The following SPATA21 variants were observed in gnomAD, a reference collection of about 807,000 sequenced individuals.
SPATA21 encodes spermatogenesis associated 21, also known as spermatogenesis-associated protein 21.
SPATA21 carries 47 observed loss-of-function variants against 54.8 expected under a neutral mutation model. The observed-to-expected ratio is 0.86, with a 90% CI of 0.68 to 1.09. SPATA21 has a LOEUF of 1.09. Ranked by LOEUF, SPATA21 falls within the 50% of genes least tolerant of loss-of-function variation. The pLI is 0.00. For missense variants in SPATA21, 599 were observed against 596.4 expected (o/e 1.00, Z -0.05); for synonymous variants, 245 against 235.3 (o/e 1.04, Z -0.38).
rs1310659788 is a variant in SPATA21, at chr1:16,421,499, C to G, written c.144+10G>C. ...CAGCTCGTCCCCGTTCCCCCTATGG[C>G]CCTACTTACTGGTGGAGGAAGAGGC... On this transcript the variant is annotated intron_variant, in intron 5 of 12. Transcript: ENST00000335496. The surrounding 1 kb of genome is among the most constrained non-coding windows in gnomAD (Gnocchi z 5.2). 3 of 1,613,062 alleles carry G rather than the reference C, an allele frequency of 1.9e-6. No homozygotes were observed. Among genetic ancestry groups the G allele is most frequent in the Non-Finnish European group, 2.5e-6 (3 of 1,179,516 alleles).
chr1:16,402,483 G>T (rs543927935), intron 10 of SPATA21, among the ~76,000 whole-genome samples: 1 of 151,312 alleles, frequency 6.6e-6, no homozygotes, highest in African/African-American at 2.4e-5. Context: ...GGATGCTCTC[G>T]ATCTCCTGAC....
At chr1:16,436,797 AC>A (rs903069985) in intron 1 of SPATA21, among the ~76,000 whole-genome samples, 1 of 151,626 alleles carries the variant, frequency 6.6e-6, no homozygotes, top group African/African-American at 2.4e-5. Context: ...CAAAAAAAAA[AC>A]ACCAAAAAAC....
At chr1:16,408,524 A>G (rs2085719512) in intron 7 of SPATA21, 2 of 985,712 alleles carry the variant, frequency 2.0e-6, no homozygotes, top group Non-Finnish European at 2.4e-6. Flanking sequence ...GGCATCTGTC[A>G]TTCTCTCAGA....
At chr1:16,416,689 A>T (rs2086018008) in intron 5 of SPATA21, among the ~76,000 whole-genome samples, 1 of 152,054 alleles carries the variant, frequency 6.6e-6, no homozygotes, top group Non-Finnish European at 1.5e-5. Flanking sequence ...TCAAAAAAAA[A>T]AAAAAAGAAT....
intron 3 of SPATA21, among the ~76,000 whole-genome samples, chr1:16,424,493 C>A (rs1285870136): frequency 6.6e-6 from 1 of 151,560 alleles, no homozygotes; most frequent in East Asian, 1.9e-4. Context: ...GATCTTGGCT[C>A]ACTGCAGCCT....
In SPATA21 at chr1:16,418,258, C is replaced by T. The variant is rs559513113; in HGVS notation, c.144+3251G>A. ...CACAGGCAAGGAATAGTTCTTATTT[C>T]TCTCTCTCTTTTTTTTATTTTTATT... On this transcript the variant is annotated intron_variant, in intron 5 of 12. Transcript: ENST00000335496. Among the ~76,000 whole-genome samples, 3 of 152,234 alleles carry T rather than the reference C, an allele frequency of 2.0e-5. No individual in the cohort carries two copies. The East Asian group carries it at 5.8e-4, about 29-fold the overall frequency.
chr1:16,410,043 C>T lies in SPATA21; in HGVS notation c.145G>A (p.Glu49Lys), dbSNP rs201182640. The change falls in exon 6 of 13, where the codon GAG (glutamate) becomes AAG (lysine). Residue 49 changes from glutamate to lysine, a missense_variant and splice_region_variant. Transcript: ENST00000335496. ...CGCCTCTCTCCAATGTCCCTCACCT[C>T]CTGGGGACAGGGGAGGGGATCCAGG... ...HPAPGPLPPP[E>K]VRDIGERREP... is the part of the protein sequence containing the mutation. 1,258 of 1,549,886 alleles carry T rather than the reference C, an allele frequency of 8.1e-4. 9 individuals carry two copies. The Middle Eastern group carries it at 0.011, about 13-fold the overall frequency.
In SPATA21 at chr1:16,409,127, G is replaced by C; in HGVS notation, c.664C>G (p.Gln222Glu). ...EKSEEQLTLK[Q>E]EEAFRSYFEI... ...ACCTCCCTGCCCTCACCTTCCTCTTGCTTCAGGGTCAGTTGCTCCTCGGAC... is the reference window on the plus strand; with the variant it reads ...ACCTCCCTGCCCTCACCTTCCTCTTCCTTCAGGGTCAGTTGCTCCTCGGAC... Residue 222 changes from glutamine (Q) to glutamate (E), a missense_variant, in exon 7 of 13, where the codon CAA becomes GAA. Physicochemically the swap from Gln to Glu is conservative, Grantham distance 29. Transcript: ENST00000335496. This position sits in a 1 kb window ranked among gnomAD's most constrained non-coding sequence, Gnocchi z 4.1. The C allele has an allele frequency of 1.9e-6, 3 of 1,614,070 alleles. No individual in the cohort carries two copies. Among genetic ancestry groups the C allele is most frequent in the Non-Finnish European group, 2.5e-6 (3 of 1,179,988 alleles).
chr1:16,427,959 T>C (rs1469517303), intron 3 of SPATA21: 2 of 1,550,284 alleles, frequency 1.3e-6, no homozygotes, highest in Admixed American at 3.9e-5. Context: ...CTGGCCCTCG[T>C]GAAGCTGATG....
chr1:16,434,333 T>G (rs965586797), intron 1 of SPATA21, among the ~76,000 whole-genome samples: 2 of 151,756 alleles, frequency 1.3e-5, no homozygotes, highest in African/African-American at 4.8e-5. Context: ...TCACTCAGGC[T>G]GGAGTGCAGC....
At chr1:16,407,805 G>A (rs945362615) in intron 7 of SPATA21, among the ~76,000 whole-genome samples, 6 of 149,746 alleles carry the variant, frequency 4.0e-5, no homozygotes, top group East Asian at 2.0e-4. Flanking sequence ...TTGCTCTGTC[G>A]CCCAGGCTGG....
At chr1:16,406,036 A>G (rs894737478) in intron 7 of SPATA21, among the ~76,000 whole-genome samples, 1 of 152,070 alleles carries the variant, frequency 6.6e-6, no homozygotes, top group Non-Finnish European at 1.5e-5. Context: ...TAATTAGCTG[A>G]GCTGTTGGCA....
At position 16,428,702 on chromosome 1, in the gene SPATA21, G is replaced by A. The variant is rs1201026469; in HGVS notation, c.34+2636C>T. On this transcript the variant is annotated intron_variant, in intron 3 of 12. Transcript: ENST00000335496. This position sits in a 1 kb window ranked among gnomAD's most constrained non-coding sequence, Gnocchi z 4.3. ...GAACTGGGTTTTGATCACTATCATG[G>A]TCTGTCACTCTCCAACTGGGTGACC... Among the ~76,000 whole-genome samples, 2 of 152,078 alleles carry A rather than the reference G, an allele frequency of 1.3e-5. No homozygotes were observed. The highest frequency in any genetic ancestry group is 6.6e-5 in the Admixed American group (1 of 15,254).
At chr1:16,422,288 C>T in intron 3 of SPATA21, 1 of 1,213,632 alleles carries the variant, frequency 8.2e-7, no homozygotes, top group Non-Finnish European at 1.1e-6. Context: ...AGTTATTACA[C>T]ACTTACTAGG....
chr1:16,398,593 G>T, downstream of SPATA21: 1 of 689,160 alleles, frequency 1.5e-6, no homozygotes, highest in East Asian at 2.8e-5. Context: ...AGAGCCCAGT[G>T]GTGGCTGGGT....
intron 5 of SPATA21, among the ~76,000 whole-genome samples, chr1:16,420,053 C>G (rs908282256): frequency 3.3e-5 from 5 of 151,806 alleles, no homozygotes; most frequent in African/African-American, 4.8e-5. Flanking sequence ...GGTGGAGCCC[C>G]GAGGGTGGAG....
At position 16,409,128 on chromosome 1, in the gene SPATA21, C is replaced by T. The variant is rs976606331; in HGVS notation, c.663G>A (p.Lys221=). The T allele has an allele frequency of 1.2e-6, 2 of 1,614,054 alleles. No individual in the cohort carries two copies. Among genetic ancestry groups the T allele is most frequent in the Non-Finnish European group, 8.5e-7 (1 of 1,179,950 alleles). Reference sequence around the variant, plus strand: ...CCTCCCTGCCCTCACCTTCCTCTTGCTTCAGGGTCAGTTGCTCCTCGGACT... The same window carrying T: ...CCTCCCTGCCCTCACCTTCCTCTTGTTTCAGGGTCAGTTGCTCCTCGGACT... ...REKSEEQLTL[K]QEEAFRSYFE... Residue 221 remains lysine (K), a synonymous_variant, in exon 7 of 13, where the codon AAG becomes AAA. Transcript: ENST00000335496. The surrounding 1 kb of genome is among the most constrained non-coding windows in gnomAD (Gnocchi z 4.1).
At chr1:16,416,542 G>T (rs1267392187) in intron 5 of SPATA21, among the ~76,000 whole-genome samples, 2 of 152,138 alleles carry the variant, frequency 1.3e-5, no homozygotes, top group African/African-American at 2.4e-5. Flanking sequence ...GCCACACGTG[G>T]TGGTATATGC....
intron 3 of SPATA21, among the ~76,000 whole-genome samples, chr1:16,430,604 A>G (rs2086435241): frequency 6.6e-6 from 1 of 152,168 alleles, no homozygotes; most frequent in Non-Finnish European, 1.5e-5. Flanking sequence ...TTTGGAGGCC[A>G]TGCAAGGCAC....
Sources: allele counts gnomAD v4.1 joint callset (sites outside exome capture counted in the v4.1 genomes callset), GRCh38; gene constraint gnomAD v4.1.1; non-coding constraint Gnocchi (gnomAD v3.1); transcripts MANE v1.5; gene names NCBI Gene and HGNC (gene_info 2026-07-23, HGNC 2026-07-21).